The following PELI2 variants were observed in gnomAD, a reference collection of about 807,000 sequenced individuals.
PELI2 encodes E3 ubiquitin-protein ligase pellino homolog 2.
PELI2 carries 23 observed loss-of-function variants against 42.3 expected under a neutral mutation model. The ratio of observed to expected loss-of-function variants is 0.54; its 90% CI spans 0.39 to 0.77. The LOEUF is 0.77. PELI2 is among the 30% of genes least tolerant of loss of function. The pLI, the probability that PELI2 is intolerant of heterozygous loss-of-function variation, is 0.00. For missense variants in PELI2, 463 were observed against 553.2 expected (o/e 0.84, Z 1.64); for synonymous variants, 245 against 212.2 (o/e 1.15, Z -1.34).
intron 2 of PELI2, among the ~76,000 whole-genome samples, chr14:56,263,826 G>A (rs1888807190): frequency 6.6e-6 from 1 of 152,098 alleles, no homozygotes; most frequent in Non-Finnish European, 1.5e-5. Context: ...ATAGAAATAT[G>A]CCCCTTCTCA....
At chr14:56,191,398 C>T (rs1228597320) in intron 2 of PELI2, among the ~76,000 whole-genome samples, 6 of 152,186 alleles carry the variant, frequency 3.9e-5, no homozygotes, top group African/African-American at 1.2e-4. Flanking sequence ...ACCTAACACT[C>T]GAGTAGAATC....
intron 1 of PELI2, among the ~76,000 whole-genome samples, chr14:56,166,076 T>G (rs1884950457): frequency 6.6e-6 from 1 of 152,204 alleles, no homozygotes; most frequent in African/African-American, 2.4e-5. Flanking sequence ...CTTGTCTTCC[T>G]CTAGCGAAGG....
intron 2 of PELI2, among the ~76,000 whole-genome samples, chr14:56,254,395 T>TCA (rs1888453085): frequency 2.5e-5 from 1 of 40,306 alleles, no homozygotes; most frequent in Non-Finnish European, 5.5e-5. Flanking sequence ...AGACTCCATC[T>TCA]CAAAAAAAAA....
At position 56,180,603 on chromosome 14, in the gene PELI2, T is replaced by C. The variant is rs1345219662; in HGVS notation, c.207+2139T>C. Among the ~76,000 whole-genome samples the C allele has an allele frequency of 3.3e-5, 5 of 152,222 alleles. No individual in the cohort carries two copies. The highest frequency in any genetic ancestry group is 1.2e-4 in the African/African-American group (5 of 41,460). ...TGGGCAAACTAAGAGCAGACATATT[T>C]ATTGTGAGCAGATCAACCACACCAT... On this transcript the variant is annotated intron_variant, in intron 2 of 5. Transcript: ENST00000267460. The surrounding 1 kb of genome is among the most constrained non-coding windows in gnomAD (Gnocchi z 4.4).
At chr14:56,292,359 G>A (rs1889856983) in intron 5 of PELI2, among the ~76,000 whole-genome samples, 1 of 152,138 alleles carries the variant, frequency 6.6e-6, no homozygotes, top group Non-Finnish European at 1.5e-5. Flanking sequence ...GTTAACCTCT[G>A]GAGAACAGTT....
At chr14:56,159,785 A>G (rs775395251) in intron 1 of PELI2, among the ~76,000 whole-genome samples, 3 of 152,224 alleles carry the variant, frequency 2.0e-5, no homozygotes, top group Non-Finnish European at 4.4e-5. Context: ...TAACATAAAT[A>G]GCCTTCCTGA....
intron 2 of PELI2, among the ~76,000 whole-genome samples, chr14:56,185,756 T>A (rs1885749528): frequency 6.6e-6 from 1 of 152,198 alleles, no homozygotes; most frequent in Non-Finnish European, 1.5e-5. Flanking sequence ...TGTAGTTTCA[T>A]CTTTTCAAGG....
chr14:56,202,606 C>T (rs186369304), intron 2 of PELI2, among the ~76,000 whole-genome samples: 46 of 152,292 alleles, frequency 3.0e-4, no homozygotes, highest in African/African-American at 1.1e-3. Flanking sequence ...TGTCTGTTCA[C>T]AGGGAGGGCC....
At chr14:56,222,436 A>G (rs138966631) in intron 2 of PELI2, among the ~76,000 whole-genome samples, 3 of 152,368 alleles carry the variant, frequency 2.0e-5, no homozygotes, top group Non-Finnish European at 2.9e-5. Context: ...AGGTAAGAAC[A>G]TTAACATCTA....
At chr14:56,267,154 T>C (rs962902138) in intron 2 of PELI2, among the ~76,000 whole-genome samples, 4 of 152,102 alleles carry the variant, frequency 2.6e-5, no homozygotes, top group Non-Finnish European at 4.4e-5. Context: ...ATTTAAAATA[T>C]CTTTTGCTCT....
intron 2 of PELI2, among the ~76,000 whole-genome samples, chr14:56,195,170 G>A (rs919431645): frequency 2.6e-5 from 4 of 152,332 alleles, no homozygotes; most frequent in Admixed American, 1.3e-4. Flanking sequence ...TCTAGAGGAC[G>A]AAGAGAATCT....
Position 56,288,621 on chromosome 14 carries a change from A to G in PELI2, c.494A>G (p.Asn165Ser). ...IFAAGFDSSKNIFLGEKAAKW... is the reference protein window; with the variant it reads ...IFAAGFDSSKSIFLGEKAAKW... ...GCCGCCGGATTTGACTCTTCCAAAA[A>G]CATATTTCTTGGAGTAAGTACTGTC... The change falls in exon 4 of 6, where the codon AAC becomes AGC. Residue 165 changes from asparagine (N) to serine (S), a missense_variant. By Grantham distance (46) the Asn-to-Ser change is conservative. Around this residue, in one of 3 missense-constraint regions of PELI2, gnomAD observed 343 missense variants for 378.4 expected, o/e 0.91. Transcript: ENST00000267460. This position sits in a 1 kb window ranked among gnomAD's most constrained non-coding sequence, Gnocchi z 4.6. 6.2e-7 allele frequency: 1 copy of G among 1,612,376 alleles called. No individual in the cohort carries two copies. Among genetic ancestry groups the G allele is most frequent in the Middle Eastern group, 1.7e-4 (1 of 6,054 alleles).
chr14:56,122,259 A>G (rs1883088769), intron 1 of PELI2, among the ~76,000 whole-genome samples: 1 of 152,080 alleles, frequency 6.6e-6, no homozygotes. Context: ...TTAAAGTATA[A>G]TAAAAAAAAA....
intron 2 of PELI2, among the ~76,000 whole-genome samples, chr14:56,223,330 G>A (rs548584268): frequency 1.3e-5 from 2 of 152,300 alleles, no homozygotes; most frequent in South Asian, 4.1e-4. Flanking sequence ...CTGGGAGAAG[G>A]ACTTAGAGAC....
At chr14:56,126,704 C>T (rs1050098127) in intron 1 of PELI2, among the ~76,000 whole-genome samples, 1 of 152,010 alleles carries the variant, frequency 6.6e-6, no homozygotes, top group African/African-American at 2.4e-5. Flanking sequence ...GATGGGTGAG[C>T]AATTAGGCTT....
chr14:56,218,056 A>G (rs1886975522), intron 2 of PELI2, among the ~76,000 whole-genome samples: 1 of 152,214 alleles, frequency 6.6e-6, no homozygotes, highest in South Asian at 2.1e-4. Flanking sequence ...TTGAGGCATA[A>G]TGAGGACACC....
At chr14:56,285,857 G>A (rs76650319) in intron 3 of PELI2, among the ~76,000 whole-genome samples, 21,705 of 152,022 alleles carry the variant, frequency 0.14, 1,813 homozygotes, top group Middle Eastern at 0.2. Flanking sequence ...GAAGGAAAGC[G>A]TTTTTAAAGG....
chr14:56,288,357 C>T lies in PELI2; in HGVS notation c.310-80C>T, dbSNP rs1889708854. 9.5e-7 allele frequency: 1 copy of T among 1,047,816 alleles called. No individual in the cohort carries two copies. The highest frequency in any genetic ancestry group is 1.4e-6 in the Non-Finnish European group (1 of 690,344). 64.9% of individuals were successfully genotyped at this position (1,047,816 alleles called of 1,614,324 possible). A position where few individuals can be genotyped will look rare whatever the true frequency, so the allele number is the denominator to read the frequency against. The stretch of plus-strand genomic sequence containing the variant: ...AAGGATAGTGAATGTTAAAGGAATC[C>T]TGAATGCTTTTTCCTTGTGAATAAA... On this transcript the variant is annotated intron_variant, in intron 3 of 5. Transcript: ENST00000267460. This position sits in a 1 kb window ranked among gnomAD's most constrained non-coding sequence, Gnocchi z 4.6.
At chr14:56,142,589 T>G (rs1883955393) in intron 1 of PELI2, among the ~76,000 whole-genome samples, 1 of 152,234 alleles carries the variant, frequency 6.6e-6, no homozygotes, top group Non-Finnish European at 1.5e-5. Context: ...TACATATACA[T>G]TTGTCCTTTA....
Sources: allele counts gnomAD v4.1 joint callset (sites outside exome capture counted in the v4.1 genomes callset), GRCh38; gene constraint gnomAD v4.1.1; regional missense constraint gnomAD v4.1.1; non-coding constraint Gnocchi (gnomAD v3.1); transcripts MANE v1.5; gene names NCBI Gene and HGNC (gene_info 2026-07-23, HGNC 2026-07-21).